CMC1: variants seen among roughly 807,000 people sequenced by gnomAD.
CMC1 encodes the protein COX assembly mitochondrial protein homolog.
In CMC1, 14 loss-of-function variants were observed where a neutral mutation model predicts 14.1. The ratio of observed to expected loss-of-function variants is 0.99; its 90% CI spans 0.66 to 1.55. The LOEUF is 1.55. Ranked by LOEUF, CMC1 falls within the 40% of genes most tolerant of loss-of-function variation. The probability of loss-of-function intolerance (pLI) is 0.00; values close to 1 mark genes in which losing one functional copy is unlikely to be tolerated. For synonymous variants in CMC1, 50 were observed against 38.4 expected (o/e 1.30, Z -1.12); for missense variants, 127 against 123.8 (o/e 1.03, Z -0.12).
intron 2 of CMC1, among the ~76,000 whole-genome samples, chr3:28,268,855 T>A (rs956229934): frequency 6.6e-6 from 1 of 152,228 alleles, no homozygotes; most frequent in African/African-American, 2.4e-5. Flanking sequence ...TAAAAATAAC[T>A]GAACAAAGTA....
chr3:28,247,463 G>A (rs567472398), intron 1 of CMC1, among the ~76,000 whole-genome samples: 1 of 152,296 alleles, frequency 6.6e-6, no homozygotes, highest in East Asian at 1.9e-4. Context: ...GGAGGCAAGG[G>A]AGCTGGGCTT....
intron 2 of CMC1, among the ~76,000 whole-genome samples, chr3:28,280,794 A>G (rs1201610689): frequency 6.6e-6 from 1 of 152,240 alleles, no homozygotes; most frequent in Non-Finnish European, 1.5e-5. Context: ...ATACATTTGT[A>G]GTCACAGTAA....
intron 1 of CMC1, among the ~76,000 whole-genome samples, chr3:28,247,515 G>T (rs1163014720): frequency 6.6e-6 from 1 of 152,156 alleles, no homozygotes; most frequent in African/African-American, 2.4e-5. Context: ...GTAGTTGGGA[G>T]AGGGACAGCA....
chr3:28,324,107 A>T lies in CMC1; in HGVS notation c.*4478A>T, dbSNP rs758093829. ...TAATGCAGTGGTGGAAGGTTGGGTAAAGGCAAAGTTTTAGTTTTAGTTTCC... is the reference window on the plus strand; with the variant it reads ...TAATGCAGTGGTGGAAGGTTGGGTATAGGCAAAGTTTTAGTTTTAGTTTCC... On this transcript the variant is annotated 3_prime_UTR_variant, in exon 4 of 4. Coordinates refer to ENST00000466830, the MANE Select transcript of CMC1 (RefSeq NM_182523.2). 1 of 1,610,254 alleles carries T rather than the reference A, an allele frequency of 6.2e-7. No homozygotes were observed.
At position 28,323,539 on chromosome 3, in the gene CMC1, T is replaced by C. The variant is rs1703260785; in HGVS notation, c.*3910T>C. On this transcript the variant is annotated 3_prime_UTR_variant, in exon 4 of 4. Coordinates refer to ENST00000466830, the MANE Select transcript of CMC1 (RefSeq NM_182523.2). ...ATTGAAACGCAATAGCATATAAAGATGGTATAACCTAAGATGCTTTTATTT... is the reference window on the plus strand; with the variant it reads ...ATTGAAACGCAATAGCATATAAAGACGGTATAACCTAAGATGCTTTTATTT... 1.3e-5 allele frequency: 2 copies of C among 151,572 alleles called. No individual in the cohort carries two copies. Among genetic ancestry groups the C allele is most frequent in the South Asian group, 4.1e-4 (2 of 4,834 alleles). The allele number at this position is 151,572 out of a possible 1,614,324, so 9.4% of individuals were successfully genotyped here.
intron 2 of CMC1, among the ~76,000 whole-genome samples, chr3:28,305,126 A>G (rs927440096): frequency 3.3e-5 from 5 of 151,952 alleles, no homozygotes; most frequent in African/African-American, 9.7e-5. Flanking sequence ...TATAATTTAT[A>G]TCTTTTTGTC....
At chr3:28,280,935 A>G (rs1340272402) in intron 2 of CMC1, among the ~76,000 whole-genome samples, 1 of 152,222 alleles carries the variant, frequency 6.6e-6, no homozygotes, top group African/African-American at 2.4e-5. Context: ...GAACACAGCC[A>G]TGCTCATTTA....
intron 2 of CMC1, among the ~76,000 whole-genome samples, chr3:28,309,848 C>T (rs1702537723): frequency 6.8e-6 from 1 of 147,882 alleles, no homozygotes; most frequent in Non-Finnish European, 1.5e-5. Context: ...CACACACACA[C>T]ACACACACAC....
chr3:28,278,205 A>C (rs1700695040), intron 2 of CMC1, among the ~76,000 whole-genome samples: 1 of 152,134 alleles, frequency 6.6e-6, no homozygotes, highest in African/African-American at 2.4e-5. Flanking sequence ...ATGGCTCCTT[A>C]TTTGTCCTGA....
At chr3:28,306,353 T>G (rs1376343447) in intron 2 of CMC1, among the ~76,000 whole-genome samples, 1 of 152,160 alleles carries the variant, frequency 6.6e-6, no homozygotes, top group East Asian at 1.9e-4. Flanking sequence ...CATCTGTGAT[T>G]TCTTTCAGCA....
chr3:28,251,630 A>C (rs1186236786), intron 1 of CMC1, among the ~76,000 whole-genome samples: 1 of 152,248 alleles, frequency 6.6e-6, no homozygotes, highest in African/African-American at 2.4e-5. Flanking sequence ...GCAAAGGCTG[A>C]GTCTTTGAAA....
At chr3:28,282,094 CTT>C (rs1473583006) in intron 2 of CMC1, among the ~76,000 whole-genome samples, 2 of 152,102 alleles carry the variant, frequency 1.3e-5, no homozygotes, top group African/African-American at 4.8e-5. Flanking sequence ...TTTTTTTCCT[CTT>C]TCTCTTCTGT....
chr3:28,286,001 G>A (rs1010733189), intron 2 of CMC1, among the ~76,000 whole-genome samples: 1 of 151,994 alleles, frequency 6.6e-6, no homozygotes, highest in Non-Finnish European at 1.5e-5. Flanking sequence ...TCCTGACCTC[G>A]TGATCTGCCT....
intron 2 of CMC1, among the ~76,000 whole-genome samples, chr3:28,281,228 GT>G (rs1315465239): frequency 6.6e-6 from 1 of 152,094 alleles, no homozygotes; most frequent in East Asian, 1.9e-4. Flanking sequence ...TTCTTATTGA[GT>G]TTAAGTATGG....
chr3:28,299,891 G>A (rs1426276217), intron 2 of CMC1, among the ~76,000 whole-genome samples: 15 of 152,122 alleles, frequency 9.9e-5, no homozygotes, highest in Non-Finnish European at 2.2e-4. Context: ...TTTTAAGAGT[G>A]TGACAGCAAT....
At chr3:28,309,924 C>G (rs1473864194) in intron 2 of CMC1, among the ~76,000 whole-genome samples, 3 of 136,428 alleles carry the variant, frequency 2.2e-5, no homozygotes, top group African/African-American at 8.5e-5. Flanking sequence ...TGCCTTTTCT[C>G]CTCCACCTGA....
At chr3:28,262,468 C>A (rs1170450884) in intron 1 of CMC1, among the ~76,000 whole-genome samples, 1 of 152,122 alleles carries the variant, frequency 6.6e-6, no homozygotes, top group African/African-American at 2.4e-5. Context: ...TTGGCTCCTA[C>A]TGAGTCACTT....
intron 2 of CMC1, among the ~76,000 whole-genome samples, chr3:28,268,080 T>TTA (rs1182947876): frequency 1.3e-5 from 2 of 152,170 alleles, no homozygotes; most frequent in Non-Finnish European, 2.9e-5. Flanking sequence ...TGAATAGCTG[T>TTA]TATATATGAG....
Position 28,274,212 on chromosome 3 carries a change from G to GTTTTTTTTGTTTTTTTTTTTTTTT in CMC1, c.109+10839_109+10840insTGTTTTTTTTTTTTTTTTTTTTTT, listed in dbSNP as rs376321066. Among the ~76,000 whole-genome samples, 6 of 88,164 alleles carry GTTTTTTTTGTTTTTTTTTTTTTTT rather than the reference G, an allele frequency of 6.8e-5. 1 individual carries two copies. Among genetic ancestry groups the GTTTTTTTTGTTTTTTTTTTTTTTT allele is most frequent in the African/African-American group, 2.9e-4 (6 of 20,676 alleles). The allele number at this position is 88,164 out of a possible 152,430, so 57.8% of individuals were successfully genotyped here. A position where few individuals can be genotyped will look rare whatever the true frequency, so the allele number is the denominator to read the frequency against. ...TTGGTCTTTGTACTAAAGTGTTTTT[G>GTTTTTTTTGTTTTTTTTTTTTTTT]TTTTTTTCTTTTTTTTTTTTTTTGC... On this transcript the variant is annotated intron_variant, in intron 2 of 3. Transcript: ENST00000466830.
Sources: allele counts gnomAD v4.1 joint callset (sites outside exome capture counted in the v4.1 genomes callset), GRCh38; gene constraint gnomAD v4.1.1; transcripts MANE v1.5; gene names NCBI Gene and HGNC (gene_info 2026-07-23, HGNC 2026-07-21).